Variants in HCLS1 observed in about 807,000 individuals in gnomAD.
The protein encoded by HCLS1 is hematopoietic cell-specific Lyn substrate 1, also known as hematopoietic lineage cell-specific protein.
HCLS1 carries 44 observed loss-of-function variants against 68.6 expected under a neutral mutation model. That is an observed-to-expected ratio of 0.64 (90% confidence interval 0.50 to 0.82). The LOEUF is 0.82. Ranked by LOEUF, HCLS1 falls within the 40% of genes least tolerant of loss-of-function variation. The pLI is 0.00. For missense variants in HCLS1, 602 were observed against 612.1 expected (o/e 0.98, Z 0.17); for synonymous variants, 217 against 225.8 (o/e 0.96, Z 0.35).
At chr3:121,660,155 G>A (rs561202548) in intron 1 of HCLS1, among the ~76,000 whole-genome samples, 2 of 152,238 alleles carry the variant, frequency 1.3e-5, no homozygotes, top group East Asian at 3.9e-4. Context: ...CAACAGAGTA[G>A]GTACTCATTT....
intron 2 of HCLS1, 83 bp downstream of exon 2, chr3:121,658,181 A>C (rs1302361162): frequency 2.9e-6 from 3 of 1,024,956 alleles, no homozygotes; most frequent in Non-Finnish European, 4.6e-6. Flanking sequence ...TTTTCCAAGC[A>C]TCCTCAAAGA....
At chr3:121,650,373 CTT>C (rs201700737) in intron 3 of HCLS1, among the ~76,000 whole-genome samples, 11 of 142,366 alleles carry the variant, frequency 7.7e-5, no homozygotes, top group Non-Finnish European at 7.7e-5. Context: ...TCTTTTGTTT[CTT>C]TTTTTTTTTT....
chr3:121,660,490 G>C (rs891981919), intron 1 of HCLS1, among the ~76,000 whole-genome samples: 3 of 152,078 alleles, frequency 2.0e-5, no homozygotes, highest in Non-Finnish European at 4.4e-5. Context: ...CACTGTTTTC[G>C]TCTCCTGTGG....
chr3:121,639,530 T>TTG (rs1560139253), intron 6 of HCLS1, among the ~76,000 whole-genome samples: 2,449 of 151,218 alleles, frequency 0.016, 62 homozygotes, highest in African/African-American at 0.055. Context: ...GATTTTATTT[T>TTG]TTGTTGTTGT....
rs201290743 is a variant in HCLS1, at chr3:121,635,237, TTCTCTC to T, written c.691+492_691+497del. ...TCTCTCTCTCTCTCTTCTCTCCCTT[TTCTCTC>T]TCTCTCTCTCTCTCTCTCTCTCTCT... is the stretch of plus-strand genomic sequence containing the variant. On this transcript the variant is annotated intron_variant, in intron 9 of 13. Transcript: ENST00000314583. Among the ~76,000 whole-genome samples the T allele has an allele frequency of 0.025, 2,883 of 114,418 alleles. 331 individuals are homozygous for T. The East Asian group carries it at 0.37, about 15-fold the overall frequency. The allele number at this position is 114,418 out of a possible 152,430, so 75.1% of individuals were successfully genotyped here. A position where few individuals can be genotyped will look rare whatever the true frequency, so the allele number is the denominator to read the frequency against.
intron 3 of HCLS1, among the ~76,000 whole-genome samples, chr3:121,650,891 A>C (rs1233528000): frequency 6.6e-6 from 1 of 152,194 alleles, no homozygotes; most frequent in African/African-American, 2.4e-5. Context: ...TAATCTCAGC[A>C]CTTTGGGAGG....
chr3:121,633,477 C>T lies in HCLS1; in HGVS notation c.904-306G>A, dbSNP rs147312346. On this transcript the variant is annotated intron_variant, in intron 10 of 13. Transcript: ENST00000314583. Reference sequence around the variant, plus strand: ...GACCTCGTGATCTGTCTGCCTTGACCTCCCAAAGTGCTGGGATTACAGGCA... The same window carrying T: ...GACCTCGTGATCTGTCTGCCTTGACTTCCCAAAGTGCTGGGATTACAGGCA... 7.4e-3 allele frequency among the ~76,000 whole-genome samples: 1,124 copies of T among 152,316 alleles called. 12 individuals are homozygous for T. The highest frequency in any genetic ancestry group is 0.026 in the African/African-American group (1,068 of 41,578).
At chr3:121,644,328 G>A (rs2049226410) in intron 5 of HCLS1, 1 of 247,568 alleles carries the variant, frequency 4.0e-6, no homozygotes, top group South Asian at 5.1e-5. Flanking sequence ...TTTGTACAAA[G>A]GAGTCTTTAA....
chr3:121,645,021 A>G, intron 4 of HCLS1, 93 bp from the exon 5 acceptor site: 1 of 953,606 alleles, frequency 1.0e-6, no homozygotes, highest in Non-Finnish European at 1.7e-6. Flanking sequence ...CATGTAAGAA[A>G]TTCCATTCTG....
Position 121,631,864 on chromosome 3 carries a change from A to G in HCLS1, c.1443T>C (p.Tyr481=), listed in dbSNP as rs77953723. Residue 481 remains tyrosine (Y), a synonymous_variant, in exon 14 of 14, where the codon TAT becomes TAC. Transcript: ENST00000314583. ...HGHFGLFPAN[Y]VKLLE ...GCTCTAGTCACTCCAGAAGCTTGAC[A>G]TAATTTGCAGGGAAGAGTCCAAAGT... 844 of 1,614,166 alleles carry G rather than the reference A, an allele frequency of 5.2e-4. 18 individuals carry two copies. In the East Asian group the frequency reaches 0.018, roughly 35 times the overall value.
At chr3:121,657,661 T>A (rs566315595) in intron 2 of HCLS1, among the ~76,000 whole-genome samples, 2 of 151,916 alleles carry the variant, frequency 1.3e-5, no homozygotes, top group South Asian at 4.2e-4. Context: ...ACCAAAAAAA[T>A]ACAAAAATTA....
intron 8 of HCLS1, 142 bp from the exon 9 acceptor site, chr3:121,635,946 G>A: frequency 1.5e-6 from 1 of 667,402 alleles, no homozygotes; most frequent in East Asian, 2.6e-5. Flanking sequence ...ATGTTCCAAT[G>A]TTGTTTTGTG....
intron 3 of HCLS1, 177 bp from the exon 4 acceptor site, chr3:121,647,625 G>A (rs192118746): frequency 4.1e-4 from 227 of 558,894 alleles, no homozygotes; most frequent in African/African-American, 4.0e-3. Flanking sequence ...GCATACCATA[G>A]CCTGATTTAA....
intron 8 of HCLS1, among the ~76,000 whole-genome samples, chr3:121,636,153 T>G (rs1354539768): frequency 6.6e-6 from 1 of 152,066 alleles, no homozygotes; most frequent in Admixed American, 6.5e-5. Context: ...GGTTAAGCAA[T>G]GCCAAGAAAT....
intron 8 of HCLS1, among the ~76,000 whole-genome samples, 200 bp downstream of exon 8, chr3:121,636,234 T>A (rs374989824): frequency 2.8e-4 from 42 of 152,314 alleles, no homozygotes; most frequent in Middle Eastern, 3.4e-3. Flanking sequence ...TCTCCCACTG[T>A]CCTCAAAGCT....
intron 11 of HCLS1, 22 bp from the exon 12 acceptor site, chr3:121,632,585 C>T: frequency 6.3e-7 from 1 of 1,599,492 alleles, no homozygotes; most frequent in Admixed American, 1.7e-5. Flanking sequence ...CAGTGTGGAG[C>T]ACTGTGACTT....
intron 4 of HCLS1, among the ~76,000 whole-genome samples, chr3:121,645,249 T>C (rs1038202756): frequency 3.2e-4 from 49 of 152,222 alleles, no homozygotes; most frequent in Admixed American, 3.1e-3. Flanking sequence ...AACAAGAGCA[T>C]TGTGCAGCAG....
At chr3:121,646,403 A>G (rs1410675488) in intron 4 of HCLS1, among the ~76,000 whole-genome samples, 1 of 85,410 alleles carries the variant, frequency 1.2e-5, no homozygotes, top group Non-Finnish European at 2.0e-5. Context: ...TATGTAATAT[A>G]TTACATAGTA....
intron 6 of HCLS1, among the ~76,000 whole-genome samples, chr3:121,642,289 C>T (rs899647723): frequency 1.5e-5 from 2 of 133,896 alleles, no homozygotes; most frequent in African/African-American, 2.8e-5. Context: ...GAAACCCCGT[C>T]TCTACTAAAA....
Sources: allele counts gnomAD v4.1 joint callset (sites outside exome capture counted in the v4.1 genomes callset), GRCh38; gene constraint gnomAD v4.1.1; transcripts MANE v1.5; gene names NCBI Gene and HGNC (gene_info 2026-07-23, HGNC 2026-07-21).